NPSR1: variants seen among roughly 807,000 people sequenced by gnomAD.
The protein encoded by NPSR1 is neuropeptide S receptor 1.
In NPSR1, 48 loss-of-function variants were observed where a neutral mutation model predicts 46.9. The observed-to-expected ratio is 1.02, with a 90% confidence interval of 0.81 to 1.30. NPSR1 has a LOEUF of 1.30. NPSR1 is among the 50% of genes most tolerant of loss of function. NPSR1 has a pLI of 0.00. For synonymous variants in NPSR1, 176 were observed against 168.1 expected (o/e 1.05, Z -0.36); for missense variants, 450 against 449.5 (o/e 1.00, Z -0.01).
chr7:34,756,819 G>A (rs1785886793), intron 2 of NPSR1, among the ~76,000 whole-genome samples: 1 of 152,150 alleles, frequency 6.6e-6, no homozygotes, highest in African/African-American at 2.4e-5. Context: ...CATTCACTAA[G>A]CTTCATTTCT....
intron 3 of NPSR1, 23 bp downstream of exon 3, chr7:34,778,588 G>C: frequency 7.0e-7 from 1 of 1,428,806 alleles, no homozygotes; most frequent in Non-Finnish European, 9.9e-7. Flanking sequence ...TTCCAAATGT[G>C]ATGAGACAAA....
intron 4 of NPSR1, among the ~76,000 whole-genome samples, chr7:34,812,851 A>G (rs1789058781): frequency 6.6e-6 from 1 of 152,204 alleles, no homozygotes; most frequent in Non-Finnish European, 1.5e-5. Context: ...CAAAATCCAA[A>G]CTGTAGAAAA....
chr7:34,772,037 CCA>C (rs1321946381), intron 2 of NPSR1, among the ~76,000 whole-genome samples: 10 of 152,106 alleles, frequency 6.6e-5, no homozygotes, highest in Non-Finnish European at 1.2e-4. Flanking sequence ...CCTTTCTGTA[CCA>C]TTTATTGTAA....
chr7:34,849,861 G>A lies in NPSR1; in HGVS notation c.*206G>A. 7.5e-7 allele frequency: 1 copy of A among 1,328,388 alleles called. No homozygotes were observed. 82.3% of individuals were successfully genotyped at this position (1,328,388 alleles called of 1,614,324 possible). ...CTCCCCAGTTATTCATGCCAGCCAG[G>A]AAGGAAACGCCTTCCTTCCCCACCA... On this transcript the variant is annotated 3_prime_UTR_variant, in exon 9 of 9. Transcript: ENST00000360581.
At chr7:34,733,231 C>G (rs570611706) in intron 2 of NPSR1, among the ~76,000 whole-genome samples, 6 of 151,970 alleles carry the variant, frequency 3.9e-5, no homozygotes, top group Admixed American at 3.9e-4. Context: ...ACCAGCCTGG[C>G]CAACATGGTG....
intron 1 of NPSR1, among the ~76,000 whole-genome samples, chr7:34,679,728 C>T (rs1355469959): frequency 6.6e-6 from 1 of 151,888 alleles, no homozygotes; most frequent in Non-Finnish European, 1.5e-5. Context: ...GACATAAAAT[C>T]ACAAGCCAAA....
At chr7:34,859,369 G>C (rs1439620803) in intron 8 of NPSR1, among the ~76,000 whole-genome samples, 1 of 151,612 alleles carries the variant, frequency 6.6e-6, no homozygotes, top group Non-Finnish European at 1.5e-5. Flanking sequence ...CATCCAAAGA[G>C]TCTCCTCCTG....
intron 2 of NPSR1, chr7:34,685,753 T>C (rs1462748254): frequency 1.3e-5 from 5 of 398,320 alleles, no homozygotes; most frequent in African/African-American, 1.1e-4. Context: ...TAACAAAGTA[T>C]AACAAGCCCA....
intron 4 of NPSR1, among the ~76,000 whole-genome samples, chr7:34,823,620 G>C (rs1789678805): frequency 6.6e-6 from 1 of 151,846 alleles, no homozygotes; most frequent in Non-Finnish European, 1.5e-5. Context: ...GCACTTTTGA[G>C]GGAAATGTAA....
At chr7:34,869,401 T>C (rs1401441912) in intron 8 of NPSR1, among the ~76,000 whole-genome samples, 16 of 151,782 alleles carry the variant, frequency 1.1e-4, no homozygotes, top group Admixed American at 1.0e-3. Flanking sequence ...ATCTCTGCCT[T>C]TTCTCCGTTC....
chr7:34,658,427 C>T lies in NPSR1; in HGVS notation c.15C>T (p.Phe5=), dbSNP rs753231326. The T allele has an allele frequency of 6.2e-7, 1 of 1,613,980 alleles. No homozygotes were observed. The highest frequency in any genetic ancestry group is 8.5e-7 in the Non-Finnish European group (1 of 1,180,004). ...CCGCCTGAGCCATGCCAGCCAACTTCACAGAGGGCAGCTTCGATTCCAGTG... is the reference window on the plus strand; with the variant it reads ...CCGCCTGAGCCATGCCAGCCAACTTTACAGAGGGCAGCTTCGATTCCAGTG... MPAN[F]TEGSFDSSGT... Residue 5 remains phenylalanine, a synonymous_variant, in exon 1 of 9, where the codon TTC becomes TTT. Coordinates refer to ENST00000360581, the MANE Select transcript of NPSR1 (RefSeq NM_207172.2).
intron 3 of NPSR1, among the ~76,000 whole-genome samples, chr7:34,791,094 ATT>A (rs1227544460): frequency 1.9e-4 from 15 of 81,034 alleles, no homozygotes; most frequent in Admixed American, 6.9e-4. Context: ...TGTTATATAT[ATT>A]ATATATAATA....
chr7:34,663,067 C>CTCTCTCTCTCTCTGTGTGTGTG (rs35826710), intron 1 of NPSR1, among the ~76,000 whole-genome samples: 24 of 99,420 alleles, frequency 2.4e-4, no homozygotes, highest in South Asian at 1.8e-3. Context: ...CTCTCTCTCT[C>CTCTCTCTCTCTCTGTGTGTGTG]TGTGTGTGTG....
intron 2 of NPSR1, among the ~76,000 whole-genome samples, chr7:34,755,244 C>T (rs2128726134): frequency 6.6e-6 from 1 of 152,358 alleles, no homozygotes; most frequent in South Asian, 2.1e-4. Context: ...AATTCCTCCT[C>T]ATCCTCACCA....
intron 1 of NPSR1, among the ~76,000 whole-genome samples, chr7:34,667,988 T>C (rs148436882): frequency 0.015 from 2,346 of 151,894 alleles, 25 homozygotes; most frequent in Middle Eastern, 0.034. Context: ...CCCTAACATA[T>C]GTTAGGGGGG....
At chr7:34,853,795 T>C (rs1790992678), downstream of NPSR1, among the ~76,000 whole-genome samples, 1 of 152,000 alleles carries the variant, frequency 6.6e-6, no homozygotes, top group Admixed American at 6.5e-5. Flanking sequence ...TGAAAACCCG[T>C]CTGTACTAAA....
At chr7:34,764,419 T>C (rs865789632) in intron 2 of NPSR1, among the ~76,000 whole-genome samples, 1 of 152,204 alleles carries the variant, frequency 6.6e-6, no homozygotes, top group Non-Finnish European at 1.5e-5. Flanking sequence ...TCCTGCAGCT[T>C]ATTTTTATAA....
At chr7:34,763,957 T>C (rs970683764) in intron 2 of NPSR1, among the ~76,000 whole-genome samples, 2 of 152,200 alleles carry the variant, frequency 1.3e-5, no homozygotes, top group Admixed American at 6.5e-5. Flanking sequence ...GCTCAGGAGA[T>C]GCAACTATGA....
intron 3 of NPSR1, among the ~76,000 whole-genome samples, chr7:34,778,836 A>T (rs887348558): frequency 1.3e-5 from 2 of 152,224 alleles, no homozygotes; most frequent in Non-Finnish European, 2.9e-5. Context: ...GTCTGGGTCA[A>T]TATTAAGGAT....
Sources: allele counts gnomAD v4.1 joint callset (sites outside exome capture counted in the v4.1 genomes callset), GRCh38; gene constraint gnomAD v4.1.1; transcripts MANE v1.5; gene names NCBI Gene and HGNC (gene_info 2026-07-23, HGNC 2026-07-21).